The following TNFSF4 variants were observed in gnomAD, a reference collection of about 807,000 sequenced individuals.
The protein encoded by TNFSF4 is TNF superfamily member 4.
A neutral mutation model predicts 7.3 loss-of-function variants in TNFSF4; 4 were observed. The observed-to-expected ratio is 0.55, with a 90% CI of 0.27 to 1.25. The LOEUF (loss-of-function observed/expected upper bound fraction) is 1.25, where lower values mean the gene tolerates loss of function less well. Among genes scored for constraint, TNFSF4 ranks in the 50% most tolerant of loss-of-function variants. The pLI, the probability that TNFSF4 is intolerant of heterozygous loss-of-function variation, is 0.12. For synonymous variants in TNFSF4, 76 were observed against 83.7 expected (o/e 0.91, Z 0.50); for missense variants, 181 against 208.8 (o/e 0.87, Z 0.82).
the TNFSF4 span, among the ~76,000 whole-genome samples, chr1:173,306,050 G>A: frequency 6.6e-6 from 1 of 151,754 alleles, no homozygotes. Flanking sequence ...ACTCCAACAT[G>A]AACATATTTT....
At chr1:173,301,682 A>C in the TNFSF4 span, among the ~76,000 whole-genome samples, 1 of 151,742 alleles carries the variant, frequency 6.6e-6, no homozygotes, top group Non-Finnish European at 1.5e-5. Flanking sequence ...ACACCTCCTC[A>C]TCCAACACCA....
At chr1:173,432,062 A>G in the TNFSF4 span, among the ~76,000 whole-genome samples, 1 of 152,218 alleles carries the variant, frequency 6.6e-6, no homozygotes, top group African/African-American at 2.4e-5. Context: ...GCTAAGACCT[A>G]AGAGGGTAGA....
the TNFSF4 span, among the ~76,000 whole-genome samples, chr1:173,300,055 T>G: frequency 6.6e-6 from 1 of 151,796 alleles, no homozygotes; most frequent in Admixed American, 6.6e-5. Flanking sequence ...ATTGGTCATT[T>G]GATTATTGCT....
At chr1:173,242,399 A>G in the TNFSF4 span, among the ~76,000 whole-genome samples, 6 of 152,174 alleles carry the variant, frequency 3.9e-5, no homozygotes, top group Non-Finnish European at 8.8e-5. Flanking sequence ...ATATTGCTTG[A>G]CAATTAGTTT....
the TNFSF4 span, among the ~76,000 whole-genome samples, chr1:173,315,552 C>CA: frequency 5.7e-4 from 86 of 151,450 alleles, no homozygotes; most frequent in Admixed American, 3.8e-3. Flanking sequence ...TATGTGGAGG[C>CA]AAAAAAAATG....
the TNFSF4 span, among the ~76,000 whole-genome samples, chr1:173,254,473 C>T: frequency 1.3e-5 from 2 of 152,196 alleles, no homozygotes; most frequent in East Asian, 3.9e-4. Flanking sequence ...CTCCTGTTTT[C>T]AGGATAAAAT....
the TNFSF4 span, among the ~76,000 whole-genome samples, chr1:173,407,024 C>A: frequency 6.6e-6 from 1 of 151,996 alleles, no homozygotes; most frequent in Admixed American, 6.6e-5. Context: ...ACAGCAGCAG[C>A]AGGATGAGAA....
At chr1:173,187,048 C>G (rs1194277284) in intron 2 of TNFSF4, among the ~76,000 whole-genome samples, 183 bp from the exon 3 acceptor site, 1 of 150,514 alleles carries the variant, frequency 6.6e-6, no homozygotes, top group East Asian at 1.9e-4. Context: ...AAGACTCTGT[C>G]TCAAACAAAA....
chr1:173,180,779 T>C (rs1339693167), downstream of TNFSF4, among the ~76,000 whole-genome samples: 1 of 152,212 alleles, frequency 6.6e-6, no homozygotes, highest in Non-Finnish European at 1.5e-5. Flanking sequence ...TACTTACTGA[T>C]GCAACAGTAT....
At position 173,198,934 on chromosome 1, in the gene TNFSF4, A is replaced by G. The variant is rs78999265; in HGVS notation, c.153+8090T>C. 3.3e-5 allele frequency among the ~76,000 whole-genome samples: 5 copies of G among 152,302 alleles called. No homozygotes were observed. In the East Asian group the frequency reaches 9.7e-4, roughly 29 times the overall value. ...TGGTGGTGACAATGATGACCATGTC[A>G]TTTTAAACTAAACCCTTCCTGTTAA... On this transcript the variant is annotated intron_variant, in intron 1 of 2. Transcript: ENST00000281834.
the TNFSF4 span, among the ~76,000 whole-genome samples, chr1:173,243,018 G>GGGGGGGA: frequency 1.5e-4 from 11 of 71,114 alleles, no homozygotes; most frequent in Non-Finnish European, 2.1e-4. Context: ...GGGGGGGGGG[G>GGGGGGGA]AGCACAAAAA....
the TNFSF4 span, among the ~76,000 whole-genome samples, chr1:173,329,522 G>A: frequency 1.3e-5 from 2 of 152,050 alleles, no homozygotes; most frequent in Non-Finnish European, 2.9e-5. Flanking sequence ...AGAATGTACT[G>A]CGGCTATATA....
chr1:173,356,806 T>C, the TNFSF4 span, among the ~76,000 whole-genome samples: 3 of 152,206 alleles, frequency 2.0e-5, no homozygotes, highest in African/African-American at 7.2e-5. Context: ...CTCTGTATAT[T>C]AGGAAGAGGC....
At chr1:173,254,466 C>G in the TNFSF4 span, among the ~76,000 whole-genome samples, 2 of 152,108 alleles carry the variant, frequency 1.3e-5, no homozygotes, top group Non-Finnish European at 2.9e-5. Flanking sequence ...CTGGAATCTC[C>G]TGTTTTCAGG....
chr1:173,420,545 T>C, the TNFSF4 span, among the ~76,000 whole-genome samples: 3 of 99,178 alleles, frequency 3.0e-5, no homozygotes, highest in Non-Finnish European at 5.5e-5. Flanking sequence ...GTAAAGGCCT[T>C]TTTTTTTCCT....
At chr1:173,271,398 T>C in the TNFSF4 span, among the ~76,000 whole-genome samples, 19 of 152,236 alleles carry the variant, frequency 1.2e-4, no homozygotes, top group South Asian at 1.0e-3. Flanking sequence ...ATTTATTAAA[T>C]AGGGGATCCT....
the TNFSF4 span, among the ~76,000 whole-genome samples, chr1:173,284,550 A>T: frequency 6.6e-6 from 1 of 152,316 alleles, no homozygotes; most frequent in African/African-American, 2.4e-5. Context: ...TGTCATAGCC[A>T]GAGAGGAGAA....
At chr1:173,234,882 A>G in the TNFSF4 span, among the ~76,000 whole-genome samples, 5 of 152,164 alleles carry the variant, frequency 3.3e-5, no homozygotes, top group African/African-American at 9.7e-5. Flanking sequence ...AACATGGCAC[A>G]TGTGTACATA....
the TNFSF4 span, among the ~76,000 whole-genome samples, chr1:173,238,314 G>A: frequency 9.2e-5 from 14 of 152,072 alleles, no homozygotes; most frequent in Non-Finnish European, 2.1e-4. Context: ...GATAACCTAG[G>A]TGATACCATG....
Sources: allele counts gnomAD v4.1 joint callset (sites outside exome capture counted in the v4.1 genomes callset), GRCh38; gene constraint gnomAD v4.1.1; transcripts MANE v1.5; gene names NCBI Gene and HGNC (gene_info 2026-07-23, HGNC 2026-07-21).